The following TENM1 variants were observed in gnomAD, a reference collection of about 807,000 sequenced individuals.
The protein encoded by TENM1 is teneurin-1.
A neutral mutation model predicts 174.8 loss-of-function variants in TENM1; 35 were observed. The observed-to-expected ratio is 0.20, with a 90% CI of 0.15 to 0.27. The LOEUF is 0.27. TENM1 is among the 10% of genes least tolerant of loss of function. TENM1 has a pLI of 1.00. For synonymous variants in TENM1, 781 were observed against 798.7 expected (o/e 0.98, Z 0.37); for missense variants, 1,633 against 2,130.1 (o/e 0.77, Z 4.59).
chrX:125,187,564 T>C, the TENM1 span, among the ~76,000 whole-genome samples: 6 of 111,917 alleles, frequency 5.4e-5, no homozygotes, highest in Non-Finnish European at 9.4e-5. Context: ...CCATTAAACA[T>C]AATATGGGAA....
At chrX:124,471,883 A>G (rs986226392) in intron 22 of TENM1, among the ~76,000 whole-genome samples, 3 of 104,832 alleles carry the variant, frequency 2.9e-5, no homozygotes, top group African/African-American at 1.0e-4. Flanking sequence ...ATTGAATGCT[A>G]TCTTGTGAAT....
At chrX:124,887,948 G>A (rs1271597696) in intron 3 of TENM1, among the ~76,000 whole-genome samples, 3 of 110,917 alleles carry the variant, frequency 2.7e-5, no homozygotes. Context: ...ACACTACCAG[G>A]GGAAAACAAA....
At chrX:124,580,006 T>C (rs1014375130) in intron 11 of TENM1, among the ~76,000 whole-genome samples, 2 of 111,453 alleles carry the variant, frequency 1.8e-5, no homozygotes, top group Non-Finnish European at 3.8e-5. Flanking sequence ...AGCTGGCATA[T>C]GGATAGGCAT....
At chrX:124,385,653 C>T in intron 29 of TENM1, 24 bp downstream of exon 32, 2 of 1,172,409 alleles carry the variant, frequency 1.7e-6, no homozygotes, top group Non-Finnish European at 2.3e-6. Flanking sequence ...TTGTTGTACA[C>T]ACCACCACTC....
At chrX:125,091,860 C>T in the TENM1 span, among the ~76,000 whole-genome samples, 1 of 107,794 alleles carries the variant, frequency 9.3e-6, no homozygotes, top group East Asian at 2.9e-4. Context: ...TGGTGCATGC[C>T]TGTAATCCCA....
chrX:124,510,165 T>G (rs1285377819), intron 18 of TENM1, among the ~76,000 whole-genome samples: 1 of 109,176 alleles, frequency 9.2e-6, no homozygotes, highest in East Asian at 2.9e-4. Flanking sequence ...GGAAACTATA[T>G]TTACTCCAGT....
chrX:124,440,457 T>A (rs2060890805), intron 23 of TENM1, among the ~76,000 whole-genome samples: 1 of 112,075 alleles, frequency 8.9e-6, no homozygotes, highest in Non-Finnish European at 1.9e-5. Context: ...GTCATTTATT[T>A]AATTAGCCTT....
intron 3 of TENM1, among the ~76,000 whole-genome samples, chrX:124,752,489 T>G (rs1439199492): frequency 8.9e-6 from 1 of 111,741 alleles, no homozygotes; most frequent in Admixed American, 9.5e-5. Flanking sequence ...AGAAGCTCTT[T>G]AGTTTAATGA....
chrX:124,688,421 A>T (rs1187483826), intron 5 of TENM1: 1 of 107,208 alleles, frequency 9.3e-6, no homozygotes, highest in African/African-American at 3.4e-5. Context: ...TTTTTCTTTT[A>T]TTTTTTTTTA....
At chrX:124,542,636 C>T (rs2048346331) in intron 15 of TENM1, among the ~76,000 whole-genome samples, 2 of 111,047 alleles carry the variant, frequency 1.8e-5, no homozygotes, top group Admixed American at 9.6e-5. Context: ...TAATCAAATT[C>T]CTGCGAACAT....
At chrX:125,010,812 T>TAA in the TENM1 span, among the ~76,000 whole-genome samples, 3 of 64,449 alleles carry the variant, frequency 4.7e-5, no homozygotes, top group Non-Finnish European at 6.3e-5. Context: ...AGACTCCGTC[T>TAA]AAAAAAAAAA....
At chrX:124,882,241 T>A (rs2057315712) in intron 3 of TENM1, among the ~76,000 whole-genome samples, 1 of 112,431 alleles carries the variant, frequency 8.9e-6, no homozygotes, top group African/African-American at 3.2e-5. Context: ...TGTTGATTTT[T>A]AAAAACTTGT....
intron 22 of TENM1, among the ~76,000 whole-genome samples, chrX:124,481,273 A>G (rs1450560668): frequency 1.8e-5 from 2 of 111,611 alleles, no homozygotes; most frequent in Admixed American, 9.6e-5. Flanking sequence ...GAGATATTCA[A>G]CATACTTAGC....
At chrX:124,804,850 G>C (rs1198810723) in intron 3 of TENM1, among the ~76,000 whole-genome samples, 6 of 111,835 alleles carry the variant, frequency 5.4e-5, no homozygotes, top group African/African-American at 1.6e-4. Flanking sequence ...TATAAGAGGT[G>C]CTTTGTGGAG....
At chrX:124,692,277 C>G (rs2052543479) in intron 5 of TENM1, among the ~76,000 whole-genome samples, 1 of 110,732 alleles carries the variant, frequency 9.0e-6, no homozygotes, top group Admixed American at 9.7e-5. Flanking sequence ...GACACCGGGA[C>G]CAACTTGAGG....
At chrX:124,830,872 G>A (rs1005136111) in intron 3 of TENM1, among the ~76,000 whole-genome samples, 1 of 111,826 alleles carries the variant, frequency 8.9e-6, no homozygotes, top group Non-Finnish European at 1.9e-5. Context: ...CTCTGCAGGG[G>A]GGCTAAGAGC....
At chrX:125,198,194 AC>A in the TENM1 span, among the ~76,000 whole-genome samples, 1 of 112,277 alleles carries the variant, frequency 8.9e-6, no homozygotes, top group Non-Finnish European at 1.9e-5. Flanking sequence ...TGACTGTTTT[AC>A]AAATTTCAAA....
At chrX:124,722,839 C>CAAAA (rs761441453) in intron 4 of TENM1, among the ~76,000 whole-genome samples, 4 of 24,748 alleles carry the variant, frequency 1.6e-4, no homozygotes, top group Admixed American at 4.5e-4. Context: ...GACTCCGTCT[C>CAAAA]AAAAAAAAAA....
the TENM1 span, among the ~76,000 whole-genome samples, chrX:124,990,977 G>T: frequency 9.0e-6 from 1 of 111,205 alleles, no homozygotes; most frequent in African/African-American, 3.3e-5. Flanking sequence ...CTAAGGCCAT[G>T]AACAGGAATA....
Sources: allele counts gnomAD v4.1 joint callset (sites outside exome capture counted in the v4.1 genomes callset), GRCh38; gene constraint gnomAD v4.1.1; transcripts MANE v1.5; gene names NCBI Gene and HGNC (gene_info 2026-07-23, HGNC 2026-07-21).